PPP2R2C: variants seen among roughly 807,000 people sequenced by gnomAD.
The protein encoded by PPP2R2C is protein phosphatase 2 regulatory subunit Bgamma, also known as protein phosphatase 2, regulatory subunit B, gamma.
PPP2R2C carries 10 observed loss-of-function variants against 45.3 expected under a neutral mutation model. That is an observed-to-expected ratio of 0.22 (90% CI 0.14 to 0.37). The LOEUF (loss-of-function observed/expected upper bound fraction) is 0.37. Ranked by LOEUF, PPP2R2C falls within the 10% of genes least tolerant of loss-of-function variation. The pLI is 1.00. For synonymous variants in PPP2R2C, 257 were observed against 245.4 expected, an observed-to-expected ratio of 1.05 and a Z score of -0.44; for missense variants, 308 against 619.7, an observed-to-expected ratio of 0.50 and a Z score of 5.34.
At chr4:6,535,282 A>T in exon 2 of PPP2R2C, 1 of 1,535,446 alleles carries the variant, frequency 6.5e-7, no homozygotes, top group Non-Finnish European at 8.7e-7. Context: ...GGAAACTTCC[A>T]TCAGCTGAGG....
At chr4:6,554,968 AG>A (rs1411339015) in intron 1 of PPP2R2C, among the ~76,000 whole-genome samples, 189 of 135,994 alleles carry the variant, frequency 1.4e-3, no homozygotes, top group Middle Eastern at 7.4e-3. Context: ...AGAAAGAAAG[AG>A]AAAGAAAGAA....
chr4:6,470,637 G>T (rs934216584), intron 1 of PPP2R2C, among the ~76,000 whole-genome samples: 7 of 152,170 alleles, frequency 4.6e-5, no homozygotes, highest in Non-Finnish European at 1.0e-4. Context: ...GCAACCCGGC[G>T]GCTTCCTCCA....
At chr4:6,454,365 C>T (rs1720901465) in intron 1 of PPP2R2C, among the ~76,000 whole-genome samples, 2 of 152,204 alleles carry the variant, frequency 1.3e-5, no homozygotes, top group Admixed American at 1.3e-4. Context: ...ACAATTGACA[C>T]TGAGATGTCC....
chr4:6,549,719 C>A (rs368602121), intron 1 of PPP2R2C, among the ~76,000 whole-genome samples: 3 of 152,228 alleles, frequency 2.0e-5, no homozygotes, highest in Non-Finnish European at 4.4e-5. Context: ...ACCTGCAGCA[C>A]GGGCAGTAGC....
intron 1 of PPP2R2C, among the ~76,000 whole-genome samples, chr4:6,401,949 C>T (rs74284764): frequency 0.063 from 9,550 of 152,148 alleles, 682 homozygotes; most frequent in African/African-American, 0.17. Context: ...AGAACCCAGG[C>T]GCAAATCCTG....
intron 1 of PPP2R2C, among the ~76,000 whole-genome samples, chr4:6,468,467 G>C (rs914800889): frequency 1.3e-5 from 2 of 152,206 alleles, no homozygotes; most frequent in African/African-American, 4.8e-5. Flanking sequence ...CAAAAAGCAT[G>C]AGTGTCCAAC....
chr4:6,346,013 G>A (rs1056737960), intron 6 of PPP2R2C, among the ~76,000 whole-genome samples: 3 of 152,064 alleles, frequency 2.0e-5, no homozygotes, highest in Non-Finnish European at 4.4e-5. Context: ...TCCAGGCCAC[G>A]GCCCCACCTT....
At chr4:6,383,970 C>T (rs570299952) in intron 1 of PPP2R2C, 28 of 986,204 alleles carry the variant, frequency 2.8e-5, no homozygotes, top group Admixed American at 1.2e-4. Context: ...AGTGGGATGA[C>T]GGGCTGGACG....
intron 2 of PPP2R2C, among the ~76,000 whole-genome samples, chr4:6,490,535 G>T (rs1471530816): frequency 6.6e-6 from 1 of 152,194 alleles, no homozygotes; most frequent in African/African-American, 2.4e-5. Context: ...TGCCTTGAGG[G>T]CTCCAGGAAG....
At chr4:6,388,193 G>A (rs965445758) in intron 1 of PPP2R2C, among the ~76,000 whole-genome samples, 3 of 152,176 alleles carry the variant, frequency 2.0e-5, no homozygotes, top group African/African-American at 7.2e-5. Context: ...CCCCCAAGTG[G>A]AGAGGCACAC....
intron 8 of PPP2R2C, among the ~76,000 whole-genome samples, chr4:6,327,427 G>T (rs1386788113): frequency 2.6e-5 from 4 of 152,204 alleles, no homozygotes; most frequent in African/African-American, 9.7e-5. Context: ...TCCAGTCCTG[G>T]GAGCAGGCAT....
intron 1 of PPP2R2C, among the ~76,000 whole-genome samples, chr4:6,547,361 G>A (rs77099246): frequency 0.017 from 2,561 of 151,640 alleles, 71 homozygotes; most frequent in African/African-American, 0.058. Flanking sequence ...TGAGTGTCTC[G>A]GTGAAACCAT....
intron 1 of PPP2R2C, among the ~76,000 whole-genome samples, chr4:6,434,665 T>TTG (rs1355989860): frequency 6.6e-6 from 1 of 152,156 alleles, no homozygotes; most frequent in Non-Finnish European, 1.5e-5. Flanking sequence ...GGCCTCTTAC[T>TTG]TGTGTACTTC....
intron 6 of PPP2R2C, among the ~76,000 whole-genome samples, chr4:6,340,436 C>T (rs1226097924): frequency 6.6e-6 from 1 of 152,178 alleles, no homozygotes; most frequent in Non-Finnish European, 1.5e-5. Context: ...AATGCACCTA[C>T]TTATTTACTA....
chr4:6,473,358 C>A (rs571671021), upstream of PPP2R2C, among the ~76,000 whole-genome samples: 8 of 152,260 alleles, frequency 5.3e-5, no homozygotes, highest in African/African-American at 1.9e-4. Flanking sequence ...ATCAGCCTGG[C>A]ACATAGTGGG....
At chr4:6,503,216 C>A (rs998394338) in intron 2 of PPP2R2C, among the ~76,000 whole-genome samples, 4 of 152,178 alleles carry the variant, frequency 2.6e-5, no homozygotes, top group Non-Finnish European at 5.9e-5. Context: ...ACCTCATGAC[C>A]TCCTCCCTTC....
chr4:6,483,137 AGATAGATT>A (rs77574589), intron 2 of PPP2R2C, among the ~76,000 whole-genome samples: 12,076 of 76,452 alleles, frequency 0.16, 698 homozygotes, highest in African/African-American at 0.24. Flanking sequence ...ATAGATAGAT[AGATAGATT>A]GATTGATTGA....
intron 2 of PPP2R2C, among the ~76,000 whole-genome samples, chr4:6,530,602 C>A (rs908905145): frequency 5.3e-5 from 8 of 152,300 alleles, no homozygotes; most frequent in Admixed American, 3.9e-4. Context: ...CAGGGTGTGA[C>A]TCTGAGCTGG....
intron 2 of PPP2R2C, among the ~76,000 whole-genome samples, chr4:6,525,657 A>G (rs1419436355): frequency 2.0e-5 from 3 of 151,932 alleles, no homozygotes; most frequent in Non-Finnish European, 4.4e-5. Context: ...ATTCCAACCA[A>G]CCACTCAGGG....
Sources: gnomAD v4.1 joint callset for allele counts (sites outside exome capture counted in the v4.1 genomes callset) on GRCh38, gnomAD v4.1.1 for gene constraint, MANE v1.5 for transcripts, NCBI Gene and HGNC (gene_info 2026-07-23, HGNC 2026-07-21) for gene names.